PDE1A: variants seen among roughly 807,000 people sequenced by gnomAD.
PDE1A encodes dual specificity calcium/calmodulin-dependent 3',5'-cyclic nucleotide phosphodiesterase 1A.
In PDE1A, 35 loss-of-function variants were observed where a neutral mutation model predicts 61.7. That is an observed-to-expected ratio of 0.57 (90% CI 0.43 to 0.75). The LOEUF (loss-of-function observed/expected upper bound fraction) is 0.75, where lower values mean the gene tolerates loss of function less well. Ranked by LOEUF, PDE1A falls within the 30% of genes least tolerant of loss-of-function variation. The probability of loss-of-function intolerance (pLI) is 0.00; values close to 1 mark genes in which losing one functional copy is unlikely to be tolerated. For synonymous variants in PDE1A, 232 were observed against 213.2 expected, an observed-to-expected ratio of 1.09 and a Z score of -0.77; for missense variants, 597 against 630.6, an observed-to-expected ratio of 0.95 and a Z score of 0.57.
intron 2 of PDE1A, among the ~76,000 whole-genome samples, chr2:182,444,124 T>C (rs1026119106): frequency 1.3e-5 from 2 of 152,200 alleles, no homozygotes; most frequent in South Asian, 2.1e-4. Flanking sequence ...AATAGACACA[T>C]GGTCCCAGCT....
intron 2 of PDE1A, among the ~76,000 whole-genome samples, chr2:182,257,230 C>T (rs1439750104): frequency 1.3e-5 from 2 of 152,192 alleles, no homozygotes; most frequent in African/African-American, 4.8e-5. Flanking sequence ...CTGTTCCACA[C>T]CTCCAATTTT....
chr2:182,398,004 GA>G (rs1701804221), intron 1 of PDE1A, among the ~76,000 whole-genome samples: 1 of 152,026 alleles, frequency 6.6e-6, no homozygotes, highest in Non-Finnish European at 1.5e-5. Context: ...ATGTTTACAT[GA>G]GAGACATGGT....
At chr2:182,572,801 G>A in the PDE1A span, among the ~76,000 whole-genome samples, 7 of 150,740 alleles carry the variant, frequency 4.6e-5, no homozygotes, top group Middle Eastern at 3.2e-3. Flanking sequence ...CCCGGGAGGC[G>A]GAGCTTGCAG....
the PDE1A span, among the ~76,000 whole-genome samples, chr2:182,630,923 A>T: frequency 6.6e-6 from 1 of 152,088 alleles, no homozygotes; most frequent in African/African-American, 2.4e-5. Context: ...CTTAATGAGA[A>T]TTTGAGTTCT....
chr2:182,439,375 G>A (rs1396204788), intron 2 of PDE1A, among the ~76,000 whole-genome samples: 1 of 152,026 alleles, frequency 6.6e-6, no homozygotes, highest in Non-Finnish European at 1.5e-5. Context: ...CTTGCTCAGA[G>A]AGAACATTTA....
the PDE1A span, among the ~76,000 whole-genome samples, chr2:182,693,464 A>G: frequency 5.3e-5 from 8 of 152,164 alleles, no homozygotes; most frequent in Non-Finnish European, 1.0e-4. Flanking sequence ...GGTCATTTGC[A>G]TAACTTCTTT....
At chr2:182,593,236 G>A in the PDE1A span, among the ~76,000 whole-genome samples, 3 of 152,132 alleles carry the variant, frequency 2.0e-5, no homozygotes, top group African/African-American at 7.2e-5. Context: ...TCACAAATAG[G>A]TTAGCTCTTT....
chr2:182,372,389 T>C (rs967377754), intron 1 of PDE1A, among the ~76,000 whole-genome samples: 1 of 152,180 alleles, frequency 6.6e-6, no homozygotes, highest in Non-Finnish European at 1.5e-5. Context: ...ATAATTGTGA[T>C]CATTTTATCT....
intron 2 of PDE1A, among the ~76,000 whole-genome samples, chr2:182,472,347 T>TATATATACACA (rs1188334074): frequency 1.3e-5 from 2 of 151,912 alleles, no homozygotes; most frequent in Non-Finnish European, 2.9e-5. Context: ...GAAAATGTGG[T>TATATATACACA]ATATATACAC....
chr2:182,471,109 T>C (rs1388802690), intron 2 of PDE1A, among the ~76,000 whole-genome samples: 1 of 151,814 alleles, frequency 6.6e-6, no homozygotes, highest in African/African-American at 2.4e-5. Context: ...CAACTTGCTC[T>C]ACAGACCAAT....
chr2:182,232,251 T>C (rs945096438), intron 4 of PDE1A, among the ~76,000 whole-genome samples: 1 of 152,200 alleles, frequency 6.6e-6, no homozygotes, highest in Non-Finnish European at 1.5e-5. Context: ...TGATTTTGCT[T>C]TGAAAATCTA....
At chr2:182,239,874 T>C (rs1038975779) in intron 3 of PDE1A, among the ~76,000 whole-genome samples, 1 of 152,204 alleles carries the variant, frequency 6.6e-6, no homozygotes, top group Non-Finnish European at 1.5e-5. Flanking sequence ...CATTCAAAAA[T>C]CTTTGCTTTC....
chr2:182,208,875 C>T (rs369442396), intron 7 of PDE1A, among the ~76,000 whole-genome samples: 1 of 152,202 alleles, frequency 6.6e-6, no homozygotes, highest in Non-Finnish European at 1.5e-5. Context: ...ATGCCTGTAA[C>T]CCCATTATAT....
chr2:182,694,585 G>C, the PDE1A span, among the ~76,000 whole-genome samples: 1 of 152,196 alleles, frequency 6.6e-6, no homozygotes, highest in Non-Finnish European at 1.5e-5. Context: ...CTGACAGGGG[G>C]AAGGGTCTTT....
chr2:182,352,990 G>C (rs956531893), intron 1 of PDE1A, among the ~76,000 whole-genome samples: 1 of 152,072 alleles, frequency 6.6e-6, no homozygotes, highest in African/African-American at 2.4e-5. Flanking sequence ...TTTGGGCTGG[G>C]CCTAAGAGTT....
chr2:182,466,432 T>C (rs1489014497), intron 2 of PDE1A, among the ~76,000 whole-genome samples: 1 of 152,072 alleles, frequency 6.6e-6, no homozygotes, highest in East Asian at 1.9e-4. Context: ...CTCTGGGCTT[T>C]AGTTCTCCTA....
intron 2 of PDE1A, among the ~76,000 whole-genome samples, chr2:182,511,201 T>C (rs1226415989): frequency 4.6e-5 from 7 of 151,640 alleles, no homozygotes; most frequent in Admixed American, 3.9e-4. Flanking sequence ...AGAGTCAAGA[T>C]GGTCAACTAG....
the PDE1A span, among the ~76,000 whole-genome samples, chr2:182,584,773 A>C: frequency 5.3e-5 from 8 of 152,196 alleles, no homozygotes; most frequent in Non-Finnish European, 1.2e-4. Context: ...GCCTGGCTAC[A>C]CCAGGGCATT....
At chr2:182,385,667 A>AAGAAAG (rs1701001558) in intron 1 of PDE1A, among the ~76,000 whole-genome samples, 1 of 111,346 alleles carries the variant, frequency 9.0e-6, no homozygotes. Flanking sequence ...AAGAAGAAAA[A>AAGAAAG]AAGAAAGAAA....
Sources: allele counts gnomAD v4.1 joint callset (sites outside exome capture counted in the v4.1 genomes callset), GRCh38; gene constraint gnomAD v4.1.1; transcripts MANE v1.5; gene names NCBI Gene and HGNC (gene_info 2026-07-23, HGNC 2026-07-21).